Variants in GRXCR2 observed in about 807,000 individuals in gnomAD.
GRXCR2 encodes the protein glutaredoxin and cysteine rich domain containing 2.
GRXCR2 carries 23 observed loss-of-function variants against 24.8 expected under a neutral mutation model. The ratio of observed to expected loss-of-function variants is 0.93; its 90% CI spans 0.67 to 1.32. GRXCR2 has a LOEUF of 1.32. GRXCR2 is among the 40% of genes most tolerant of loss of function. The pLI, the probability that GRXCR2 is intolerant of heterozygous loss-of-function variation, is 0.00. For missense variants in GRXCR2, 315 were observed against 303.4 expected (o/e 1.04, Z -0.28); for synonymous variants, 130 against 116.1 (o/e 1.12, Z -0.77).
intron 2 of GRXCR2, among the ~76,000 whole-genome samples, chr5:145,906,348 T>G (rs1249387776): frequency 6.9e-6 from 1 of 144,710 alleles, no homozygotes; most frequent in Non-Finnish European, 1.5e-5. Context: ...GGGAAAATGT[T>G]AAAAAAAAAA....
At chr5:145,861,417 C>T (rs1756336237) in intron 2 of GRXCR2, among the ~76,000 whole-genome samples, 2 of 152,254 alleles carry the variant, frequency 1.3e-5, no homozygotes, top group South Asian at 4.2e-4. Context: ...CTCCAGGGAC[C>T]TTTCCCCAAT....
upstream of GRXCR2, among the ~76,000 whole-genome samples, chr5:145,875,379 T>C (rs1756597609): frequency 6.6e-6 from 1 of 152,056 alleles, no homozygotes; most frequent in Non-Finnish European, 1.5e-5. Flanking sequence ...TGAAACCTCA[T>C]CTCTACCAAA....
chr5:145,917,591 T>G (rs922718349), intron 2 of GRXCR2, among the ~76,000 whole-genome samples: 1 of 152,080 alleles, frequency 6.6e-6, no homozygotes, highest in Non-Finnish European at 1.5e-5. Flanking sequence ...TGGAAGACAG[T>G]GAGGAATGAC....
At chr5:145,907,622 G>A (rs1757110451) in intron 2 of GRXCR2, among the ~76,000 whole-genome samples, 1 of 152,122 alleles carries the variant, frequency 6.6e-6, no homozygotes, top group Admixed American at 6.6e-5. Context: ...GAGAGAGGGT[G>A]GTGACTCGGC....
At chr5:145,858,239 G>A (rs1252085208), downstream of GRXCR2, among the ~76,000 whole-genome samples, 4 of 151,600 alleles carry the variant, frequency 2.6e-5, no homozygotes, top group Non-Finnish European at 5.9e-5. Flanking sequence ...GCTGGAAGCC[G>A]GGAGGCAGAG....
At chr5:145,877,778 A>G (rs1027522036), upstream of GRXCR2, among the ~76,000 whole-genome samples, 4 of 152,248 alleles carry the variant, frequency 2.6e-5, no homozygotes, top group Non-Finnish European at 5.9e-5. Flanking sequence ...AGGGGCCGAC[A>G]GACACCTCAT....
intron 2 of GRXCR2, among the ~76,000 whole-genome samples, chr5:145,928,163 C>T (rs1230260007): frequency 6.6e-6 from 1 of 151,842 alleles, no homozygotes; most frequent in East Asian, 1.9e-4. Context: ...TGCTCATCAT[C>T]ACTGGCCATC....
At chr5:145,883,243 G>T (rs1398243580) in intron 2 of GRXCR2, among the ~76,000 whole-genome samples, 1 of 151,862 alleles carries the variant, frequency 6.6e-6, no homozygotes, top group Non-Finnish European at 1.5e-5. Flanking sequence ...TGCTAACAGT[G>T]GTTCTATTTA....
At chr5:145,888,684 A>G (rs150681677) in intron 2 of GRXCR2, among the ~76,000 whole-genome samples, 141 of 152,334 alleles carry the variant, frequency 9.3e-4, no homozygotes, top group African/African-American at 3.2e-3. Context: ...TTTCCTAAAA[A>G]ATAACTATTA....
intron 2 of GRXCR2, among the ~76,000 whole-genome samples, chr5:145,905,896 G>C (rs1014639865): frequency 2.4e-4 from 37 of 152,190 alleles, no homozygotes; most frequent in African/African-American, 5.3e-4. Flanking sequence ...ACATGGTCCA[G>C]CGTTTCCATA....
At chr5:145,887,346 C>T (rs944766187) in intron 2 of GRXCR2, among the ~76,000 whole-genome samples, 3 of 152,224 alleles carry the variant, frequency 2.0e-5, no homozygotes, top group Admixed American at 6.5e-5. Context: ...CCACTAGCTA[C>T]ATTTCAAGGC....
chr5:145,900,335 C>T (rs111544350), intron 2 of GRXCR2, among the ~76,000 whole-genome samples: 207 of 152,224 alleles, frequency 1.4e-3, no homozygotes, highest in Non-Finnish European at 2.7e-3. Flanking sequence ...CTTTGCCTTC[C>T]ACCATGATTG....
chr5:145,925,833 T>C (rs1245377369), intron 2 of GRXCR2, among the ~76,000 whole-genome samples: 1 of 152,162 alleles, frequency 6.6e-6, no homozygotes, highest in Non-Finnish European at 1.5e-5. Flanking sequence ...AATTCTTTTT[T>C]AATAAGGGAA....
intron 2 of GRXCR2, among the ~76,000 whole-genome samples, chr5:145,928,088 C>T (rs1168741338): frequency 6.6e-6 from 1 of 151,832 alleles, no homozygotes; most frequent in East Asian, 1.9e-4. Flanking sequence ...AAAAAGTGGG[C>T]AAAGGATATG....
At chr5:145,899,426 A>AT (rs1415029634) in intron 2 of GRXCR2, among the ~76,000 whole-genome samples, 1 of 152,190 alleles carries the variant, frequency 6.6e-6, no homozygotes, top group Non-Finnish European at 1.5e-5. Context: ...TTCATATGGA[A>AT]TAAAAAAAGA....
rs77148168 is a variant in GRXCR2 at position 145,923,843 on chromosome 5, C to T, written c.-70+11858G>A. On this transcript the variant is annotated intron_variant, in intron 2 of 3. Coordinates refer to the GRXCR2 transcript ENST00000639411. ...ACCTTATAGTATATATAACCAATCC[C>T]TTCCTGGTGGATATTTAAGTTAGTG... Among the ~76,000 whole-genome samples, 13 of 152,202 alleles carry T rather than the reference C, an allele frequency of 8.5e-5. No individual in the cohort carries two copies. The East Asian group carries it at 2.1e-3, about 25-fold the overall frequency.
At chr5:145,917,457 AC>A (rs977106742) in intron 2 of GRXCR2, among the ~76,000 whole-genome samples, 8 of 152,070 alleles carry the variant, frequency 5.3e-5, no homozygotes, top group African/African-American at 1.7e-4. Flanking sequence ...AAGAAAACAC[AC>A]CCTCCCACTC....
intron 2 of GRXCR2, among the ~76,000 whole-genome samples, chr5:145,878,488 G>C (rs957769016): frequency 6.6e-6 from 1 of 152,046 alleles, no homozygotes; most frequent in Admixed American, 6.6e-5. Flanking sequence ...GACAAGACAA[G>C]GTTAGAGAAA....
intron 2 of GRXCR2, among the ~76,000 whole-genome samples, chr5:145,886,661 G>A (rs145102035): frequency 1.7e-3 from 253 of 152,138 alleles, no homozygotes; most frequent in East Asian, 0.013. Context: ...CTGAAAAATG[G>A]CCCTGAGTTT....
Sources: gnomAD v4.1 joint callset for allele counts (sites outside exome capture counted in the v4.1 genomes callset) on GRCh38, gnomAD v4.1.1 for gene constraint, MANE v1.5 for transcripts, NCBI Gene and HGNC (gene_info 2026-07-23, HGNC 2026-07-21) for gene names.